Variants in TTN observed in about 807,000 individuals in gnomAD.
The protein encoded by TTN is titin.
A neutral mutation model predicts 3,223.0 loss-of-function variants in TTN; 1,525 were observed. The observed-to-expected ratio is 0.47, with a 90% CI of 0.45 to 0.49. TTN has a LOEUF of 0.49. Ranked by LOEUF, TTN falls within the 20% of genes least tolerant of loss-of-function variation. TTN has a pLI of 0.00. For missense variants in TTN, 40,786 were observed against 43,424.0 expected, an observed-to-expected ratio of 0.94 and a Z score of 5.40; for synonymous variants, 14,094 against 15,161.0, an observed-to-expected ratio of 0.93 and a Z score of 5.17.
Position 178,728,958 on chromosome 2 carries a change from C to A in TTN, c.19080G>T (p.Gly6360=), listed in dbSNP as rs2079877748. The change falls in exon 65 of 363, where the codon GGG becomes GGT. Residue 6360 remains glycine (G), a synonymous_variant. Transcript: ENST00000589042. ...CATTCTTGGCTTGACAGGTATATCT[C>A]CCACTGTGTCCATTATCCACACTTC... ...QIRSVDNGHS[G]RYTCQAKNES... is the part of the protein sequence containing the mutation. The A allele has an allele frequency of 6.2e-7, 1 of 1,612,962 alleles. No individual in the cohort carries two copies. The highest frequency in any genetic ancestry group is 1.3e-5 in the African/African-American group (1 of 75,016).
intron 47 of TTN, chr2:178,749,322 C>A (rs756818899): frequency 1.9e-6 from 3 of 1,612,444 alleles, no homozygotes; most frequent in Non-Finnish European, 1.7e-6. Context: ...TCTTTCCCTT[C>A]AGCCTGACAT....
rs755999830 is a variant in TTN at position 178,599,265 on chromosome 2, G to A, written c.56528C>T (p.Thr18843Met). ...TTCTAGCAATTTGGGAATCGTGTACGTGCACTCCTTAGGTTCACTGGAGAC... is the reference window on the plus strand; with the variant it reads ...TTCTAGCAATTTGGGAATCGTGTACATGCACTCCTTAGGTTCACTGGAGAC... Reference protein sequence around the residue: ...VHVSSEPKECTYTIPKLLEGH... With the variant: ...VHVSSEPKECMYTIPKLLEGH... Residue 18843 changes from threonine to methionine, a missense_variant, in exon 290 of 363, where the codon ACG becomes ATG. By Grantham distance (81) the Thr-to-Met change is moderately conservative. Transcript: ENST00000589042. The A allele has an allele frequency of 8.2e-6, 13 of 1,584,056 alleles. No individual in the cohort carries two copies. Among genetic ancestry groups the A allele is most frequent in the South Asian group, 3.6e-5 (3 of 84,252 alleles).
Position 178,551,811 on chromosome 2 carries a change from C to G in TTN, c.91089G>C (p.Lys30363Asn), listed in dbSNP as rs762103106. ...GCCAGAGGATGCTATTTCTTTCTTTCTTTTCAACATGGAATCCAGTAACTT... is the reference window on the plus strand; with the variant it reads ...GCCAGAGGATGCTATTTCTTTCTTTGTTTTCAACATGGAATCCAGTAACTT... Reference protein sequence around the residue: ...GSEVTGFHVEKKERNSILWQK... With the variant: ...GSEVTGFHVENKERNSILWQK... Residue 30363 changes from lysine (K) to asparagine (N), a missense_variant, in exon 335 of 363, where the codon AAG (lysine) becomes AAC (asparagine). Transcript: ENST00000589042. 1 of 1,613,688 alleles carries G rather than the reference C, an allele frequency of 6.2e-7. No individual in the cohort carries two copies. Among genetic ancestry groups the G allele is most frequent in the African/African-American group, 1.3e-5 (1 of 74,908 alleles).
In TTN at chr2:178,552,466, A is replaced by G. The variant is rs751359750; in HGVS notation, c.90434T>C (p.Ile30145Thr). ...TAATTCAAGGTGCACATTGTGCCCA[A>G]TTCTCACAGTGACTTGTGCCCCAGG... ...DIPGAQVTVR[I>T]GHNVHLELPY... The change falls in exon 335 of 363, where the codon ATT becomes ACT. Residue 30145 changes from isoleucine (I) to threonine (T), a missense_variant. Transcript: ENST00000589042. 1.4e-5 allele frequency: 22 copies of G among 1,609,838 alleles called. No homozygotes were observed. The highest frequency in any genetic ancestry group is 2.2e-5 in the South Asian group (2 of 90,936).
chr2:178,599,685 T>C lies in TTN; in HGVS notation c.56216A>G (p.Asn18739Ser). 1 of 1,613,098 alleles carries C rather than the reference T, an allele frequency of 6.2e-7. No individual in the cohort carries two copies. Residue 18739 changes from asparagine (N) to serine (S), a missense_variant, in exon 289 of 363, where the codon AAC (asparagine) becomes AGC (serine). Physicochemically the swap from Asn to Ser is conservative, Grantham distance 46 (BLOSUM62 1). Coordinates refer to ENST00000589042, the MANE Select transcript of TTN (RefSeq NM_001267550.2). ...GCAAGTATCATCTACCACCAGTTTGTTGACATGGGTGTCATAGAGAACAGG... is the reference window on the plus strand; with the variant it reads ...GCAAGTATCATCTACCACCAGTTTGCTGACATGGGTGTCATAGAGAACAGG... Reference protein sequence around the residue: ...KEPVLYDTHVNKLVVDDTCTL... With the variant: ...KEPVLYDTHVSKLVVDDTCTL...
rs758341420 is a variant in TTN at position 178,569,064 on chromosome 2, C to T, written c.77068G>A (p.Ala25690Thr). Residue 25690 changes from alanine (A) to threonine (T), a missense_variant, in exon 326 of 363, where the codon GCT becomes ACT. By Grantham distance (58) the Ala-to-Thr change is moderately conservative. Transcript: ENST00000589042. ...ACTTCTGCAACCTTAATTGGATCAG[C>T]AGTCTGGGCAGGAAGGCCAATACCA... ...EYGIGLPAQT[A>T]DPIKVAEVPQ... The T allele has an allele frequency of 8.7e-6, 14 of 1,613,292 alleles. No homozygotes were observed. The highest frequency in any genetic ancestry group is 1.2e-5 in the Non-Finnish European group (14 of 1,179,516).
In TTN at chr2:178,779,034, G is replaced by A. The variant is rs550101167; in HGVS notation, c.4048C>T (p.Arg1350Cys). ...DFLQDGRASL[R>C]IPVVLPEDEG... is the part of the protein sequence containing the mutation. ...TCTTCTGGAAGAACAACAGGTATAC[G>A]CAGACTAGCTCTGCCATCTTGTAGA... Residue 1350 changes from arginine to cysteine, a missense_variant, in exon 24 of 363, where the codon CGT becomes TGT. Arg to Cys is a radical substitution (Grantham distance 180). Coordinates refer to ENST00000589042, the MANE Select transcript of TTN (RefSeq NM_001267550.2). 9.3e-6 allele frequency: 15 copies of A among 1,613,954 alleles called. No homozygotes were observed. The highest frequency in any genetic ancestry group is 1.7e-5 in the Admixed American group (1 of 60,008).
chr2:178,790,088 C>A lies in TTN; in HGVS notation c.1828G>T (p.Val610Leu), dbSNP rs397517499. 1.9e-6 allele frequency: 3 copies of A among 1,612,898 alleles called. No homozygotes were observed. Among genetic ancestry groups the A allele is most frequent in the Non-Finnish European group, 8.5e-7 (1 of 1,179,338 alleles). ...GGTGTGGCAACTATGACTTTAGGTA[C>A]AACTGTTTTCCTAGTTTCCTTCATT... is the stretch of plus-strand genomic sequence containing the variant. ...KIMKETRKTV[V>L]PKVIVATPKV... Residue 610 changes from valine (V) to leucine (L), a missense_variant, in exon 12 of 363, where the codon GTA (valine) becomes TTA (leucine). By Grantham distance (32) the Val-to-Leu change is conservative (BLOSUM62 1). Coordinates refer to ENST00000589042, the MANE Select transcript of TTN (RefSeq NM_001267550.2).
In TTN at chr2:178,609,283, C is replaced by A. The variant is rs2055729807; in HGVS notation, c.52027G>T (p.Asp17343Tyr). ...QLRVRDSLRP[D>Y]HGLYMIKVEN... ...ACTTTGATCATATACAGACCATGGT[C>A]AGGTCGGAGAGAATCTCGGACGCGT... Residue 17343 changes from aspartate to tyrosine, a missense_variant, in exon 273 of 363, where the codon GAC (aspartate) becomes TAC (tyrosine). Asp to Tyr is a radical substitution (Grantham distance 160). Transcript: ENST00000589042. 1 of 1,586,848 alleles carries A rather than the reference C, an allele frequency of 6.3e-7. No individual in the cohort carries two copies. The highest frequency in any genetic ancestry group is 1.2e-5 in the South Asian group (1 of 85,302).
In TTN at chr2:178,636,940, T is replaced by A; in HGVS notation, c.40928-141A>T. 1 of 905,496 alleles carries A rather than the reference T, an allele frequency of 1.1e-6. No homozygotes were observed. The highest frequency in any genetic ancestry group is 1.6e-6 in the Non-Finnish European group (1 of 627,420). 56.1% of individuals were successfully genotyped at this position (905,496 alleles called of 1,614,324 possible). ...AAAGACCAGGCAATTGAAAGGCCAA[T>A]TGAGTTTATACTGCCTTGTTTCAGG... On this transcript the variant is annotated intron_variant, in intron 224 of 362. Transcript: ENST00000589042. The surrounding 1 kb of genome is among the most constrained non-coding windows in gnomAD (Gnocchi z 4.3).
In TTN at chr2:178,705,363, T is replaced by C. The variant is rs773355614; in HGVS notation, c.29421-6A>G. The C allele has an allele frequency of 6.5e-7, 1 of 1,527,620 alleles. No homozygotes were observed. The highest frequency in any genetic ancestry group is 2.3e-5 in the East Asian group (1 of 42,558). The allele number at this position is 1,527,620 out of a possible 1,614,324, so 94.6% of individuals were successfully genotyped here. A position where few individuals can be genotyped will look rare whatever the true frequency, so the allele number is the denominator to read the frequency against. On this transcript the variant is annotated splice_polypyrimidine_tract_variant and splice_region_variant and intron_variant, in intron 102 of 362. Transcript: ENST00000589042. ...CTTTCTTTAAGATTGGAGTCCTAAA[T>C]AAAATTTAAAAAGTAAGGATAAAAC...
chr2:178,587,716 A>C lies in TTN; in HGVS notation c.63593T>G (p.Val21198Gly), dbSNP rs1559553614. 1 of 1,612,888 alleles carries C rather than the reference A, an allele frequency of 6.2e-7. No individual in the cohort carries two copies. Among genetic ancestry groups the C allele is most frequent in the Non-Finnish European group, 8.5e-7 (1 of 1,179,384 alleles). The part of the protein sequence containing the change: ...AGCPIRLFAI[V>G]RGRPAPKVTW... The stretch of plus-strand genomic sequence containing the variant: ...GACTTTAGGGGCTGGTCGTCCTCTC[A>C]CTATAGCAAAGAGACGAATAGGGCA... The change falls in exon 306 of 363, where the codon GTG (valine) becomes GGG (glycine). Residue 21198 changes from valine to glycine, a missense_variant. By Grantham distance (109) the Val-to-Gly change is moderately radical. Coordinates refer to ENST00000589042, the MANE Select transcript of TTN (RefSeq NM_001267550.2).
chr2:178,604,389 G>A (rs2054251495), intron 281 of TTN, 84 bp from the exon 282 acceptor site: 5 of 1,113,864 alleles, frequency 4.5e-6, no homozygotes, highest in Non-Finnish European at 5.9e-6. Flanking sequence ...CTTATTTTGG[G>A]AGGGATGACT....
rs776344275 is a variant in TTN at position 178,718,211 on chromosome 2, G to A, written c.24795C>T (p.Tyr8265=). Residue 8265 remains tyrosine (Y), a synonymous_variant, in exon 86 of 363, where the codon TAC becomes TAT. Transcript: ENST00000589042. ...EALVSVLEPP[Y]FIEPLEHVEA... is the part of the protein sequence containing the mutation. ...CCACATGTTCCAGAGGTTCAATAAA[G>A]TACGGTGGTTCTATGGTACAAAGGA... The A allele has an allele frequency of 6.3e-7, 1 of 1,599,668 alleles. No homozygotes were observed. The highest frequency in any genetic ancestry group is 1.7e-5 in the Admixed American group (1 of 59,532).
Position 178,554,641 on chromosome 2 carries a change from T to C in TTN, c.88706A>G (p.Tyr29569Cys). ...GCTTGTCTCACGCTTTTCCACAATG[T>C]AGTGAGTGATTTTTGCACCACCATC... ...ADDGGAKITHYIVEKRETSRV... is the reference protein window; with the variant it reads ...ADDGGAKITHCIVEKRETSRV... The change falls in exon 332 of 363, where the codon TAC becomes TGC. Residue 29569 changes from tyrosine (Y) to cysteine (C), a missense_variant. Physicochemically the swap from Tyr to Cys is radical, Grantham distance 194. Transcript: ENST00000589042. 6.2e-7 allele frequency: 1 copy of C among 1,613,894 alleles called. No individual in the cohort carries two copies.
rs148920986 is a variant in TTN at position 178,773,587 on chromosome 2, C to A, written c.7469G>T (p.Arg2490Leu). The A allele has an allele frequency of 5.0e-6, 8 of 1,614,020 alleles. No individual in the cohort carries two copies. The African/African-American group carries it at 8.0e-5, about 16-fold the overall frequency. The change falls in exon 32 of 363, where the codon CGT (arginine) becomes CTT (leucine). Residue 2490 changes from arginine to leucine, a missense_variant. Coordinates refer to ENST00000589042, the MANE Select transcript of TTN (RefSeq NM_001267550.2). Reference sequence around the variant, plus strand: ...AGTACCTTTCACAATGGCCTGTACACGGTCATCAGGCTTGATTTGTTCATC... The same window carrying A: ...AGTACCTTTCACAATGGCCTGTACAAGGTCATCAGGCTTGATTTGTTCATC... ...LNDEQIKPDDRVQAIVKGTKQ... is the reference protein window; with the variant it reads ...LNDEQIKPDDLVQAIVKGTKQ...
rs372044281 is a variant in TTN at position 178,746,325 on chromosome 2, T to C, written c.11312-4404A>G. ...TTGTCTTCTCCCTCCCTTGAATCCA[T>C]ATTTGGATCTACAAAATTAAATGGA... On this transcript the variant is annotated intron_variant, in intron 47 of 362. Coordinates refer to ENST00000589042, the MANE Select transcript of TTN (RefSeq NM_001267550.2). 7.5e-5 allele frequency: 121 copies of C among 1,612,356 alleles called. No homozygotes were observed. In the Middle Eastern group the frequency reaches 1.5e-3, roughly 20 times the overall value.
rs577368021 is a variant in TTN at position 178,570,393 on chromosome 2, T to C, written c.75739A>G (p.Thr25247Ala). The C allele has an allele frequency of 6.2e-7, 1 of 1,612,990 alleles. No homozygotes were observed. Among genetic ancestry groups the C allele is most frequent in the Non-Finnish European group, 8.5e-7 (1 of 1,179,550 alleles). The change falls in exon 326 of 363, where the codon ACC becomes GCC. Residue 25247 changes from threonine (T) to alanine (A), a missense_variant. Thr to Ala is a moderately conservative substitution (Grantham distance 58). Coordinates refer to ENST00000589042, the MANE Select transcript of TTN (RefSeq NM_001267550.2). ...IINYIVERRE[T>A]SRLVWTVVDA... Reference sequence around the variant, plus strand: ...ACCACAGTCCAAACTAAGCGGCTGGTTTCTCTCCTTTCCACAATATAATTT... The same window carrying C: ...ACCACAGTCCAAACTAAGCGGCTGGCTTCTCTCCTTTCCACAATATAATTT...
intron 314 of TTN, 31 bp from the exon 315 acceptor site, chr2:178,582,239 C>A (rs779037888): frequency 1.3e-6 from 2 of 1,583,726 alleles, no homozygotes; most frequent in Admixed American, 2.0e-5. Flanking sequence ...GTTAATTTCC[C>A]AGGCTAAAAG....
Sources: allele counts gnomAD v4.1 joint callset, GRCh38; gene constraint gnomAD v4.1.1; non-coding constraint Gnocchi (gnomAD v3.1); transcripts MANE v1.5; gene names NCBI Gene and HGNC (gene_info 2026-07-23, HGNC 2026-07-21).